Variants in NRK observed in about 807,000 individuals in gnomAD.
The protein encoded by NRK is Nik related kinase.
NRK carries 67 observed loss-of-function variants against 125.2 expected under a neutral mutation model. The observed-to-expected ratio is 0.54, with a 90% confidence interval of 0.44 to 0.66. The LOEUF (loss-of-function observed/expected upper bound fraction) is 0.66. Among genes scored for constraint, NRK ranks in the 30% least tolerant of loss-of-function variants. NRK has a pLI of 0.00. For missense variants in NRK, 1,224 were observed against 1,192.9 expected (o/e 1.03, Z -0.38); for synonymous variants, 458 against 429.0 (o/e 1.07, Z -0.84).
intron 11 of NRK, 96 bp from the exon 12 acceptor site, chrX:105,908,144 A>G (rs2040243077): frequency 1.4e-5 from 7 of 494,828 alleles, no homozygotes; most frequent in Non-Finnish European, 2.3e-5. Flanking sequence ...AATTCACTCC[A>G]CATCCTAAGA....
intron 8 of NRK, among the ~76,000 whole-genome samples, chrX:105,899,843 C>CTA (rs1479481303): frequency 1.8e-5 from 2 of 110,400 alleles, no homozygotes; most frequent in Non-Finnish European, 3.8e-5. Context: ...TGGCAGGCAC[C>CTA]TATAATCCTA....
intron 1 of NRK, among the ~76,000 whole-genome samples, chrX:105,823,458 G>T (rs2039050725): frequency 9.0e-6 from 1 of 111,306 alleles, no homozygotes; most frequent in Non-Finnish European, 1.9e-5. Flanking sequence ...ATTCTTGCCA[G>T]GGCAATGTTC....
At chrX:105,876,201 G>T (rs1406561913) in intron 2 of NRK, among the ~76,000 whole-genome samples, 2 of 106,238 alleles carry the variant, frequency 1.9e-5, no homozygotes. Context: ...GAGATCTGTT[G>T]CACATCATGG....
intron 2 of NRK, among the ~76,000 whole-genome samples, chrX:105,840,213 G>A (rs1180187559): frequency 9.0e-6 from 1 of 111,670 alleles, no homozygotes; most frequent in Non-Finnish European, 1.9e-5. Flanking sequence ...GGAGGATGAA[G>A]CAGTTGGTAG....
intron 5 of NRK, among the ~76,000 whole-genome samples, chrX:105,891,981 A>G (rs910303572): frequency 9.0e-6 from 1 of 111,642 alleles, no homozygotes; most frequent in African/African-American, 3.3e-5. Flanking sequence ...TCTTGATAGT[A>G]TAGCAAAGTG....
intron 4 of NRK, among the ~76,000 whole-genome samples, chrX:105,886,353 T>C (rs1466259234): frequency 9.4e-6 from 1 of 106,276 alleles, no homozygotes; most frequent in Non-Finnish European, 1.9e-5. Flanking sequence ...CACACACACA[T>C]ATATAAATGC....
intron 2 of NRK, among the ~76,000 whole-genome samples, chrX:105,849,704 C>T (rs1569291615): frequency 1.8e-5 from 2 of 111,935 alleles, no homozygotes; most frequent in East Asian, 2.8e-4. Flanking sequence ...CAAAATCCAG[C>T]GGGCCAGTCA....
intron 2 of NRK, among the ~76,000 whole-genome samples, chrX:105,831,666 A>G (rs940977650): frequency 8.9e-6 from 1 of 111,889 alleles, no homozygotes; most frequent in Non-Finnish European, 1.9e-5. Flanking sequence ...CAAAGCAGAT[A>G]AAGTCCCTTC....
chrX:105,828,879 C>T (rs1321553208), intron 1 of NRK, among the ~76,000 whole-genome samples: 5 of 111,596 alleles, frequency 4.5e-5, no homozygotes, highest in Non-Finnish European at 9.4e-5. Flanking sequence ...ATTACATGTT[C>T]GTTGGGAGTA....
chrX:105,944,181 T>C lies in NRK; in HGVS notation c.4059+140T>C, dbSNP rs927591008. On this transcript the variant is annotated intron_variant, in intron 24 of 28. Transcript: ENST00000243300. ...AATGAAATTTTGTTGTTAGTTTGCT[T>C]GCTTGTTTGTTTGTTTATTTTTTAG... 6 of 400,196 alleles carry C rather than the reference T, an allele frequency of 1.5e-5. No homozygotes were observed. The African/African-American group carries it at 1.6e-4, about 11-fold the overall frequency. 33.0% of individuals were successfully genotyped at this position (400,196 alleles called of 1,213,427 possible).
intron 14 of NRK, among the ~76,000 whole-genome samples, chrX:105,913,163 T>A (rs1484082101): frequency 8.9e-6 from 1 of 111,841 alleles, no homozygotes; most frequent in African/African-American, 3.2e-5. Flanking sequence ...GGTTGAAGTA[T>A]ACGAATAAAA....
At chrX:105,948,467 C>A (rs1224520549) in intron 26 of NRK, 1 of 327,307 alleles carries the variant, frequency 3.1e-6, no homozygotes, top group Non-Finnish European at 5.2e-6. Flanking sequence ...TACAAGGGAA[C>A]CATGTGTGCT....
intron 7 of NRK, among the ~76,000 whole-genome samples, chrX:105,898,240 C>G (rs1034023416): frequency 8.9e-6 from 1 of 111,933 alleles, no homozygotes; most frequent in Admixed American, 9.5e-5. Context: ...GCTTATAGTT[C>G]TGGTCTTCCT....
In NRK at chrX:105,895,434, G is replaced by C. The variant is rs1306350591; in HGVS notation, c.491G>C (p.Gly164Ala). 8.4e-7 allele frequency: 1 copy of C among 1,185,274 alleles called. No individual in the cohort carries two copies. Among genetic ancestry groups the C allele is most frequent in the Admixed American group, 2.2e-5 (1 of 45,859 alleles). The change falls in exon 7 of 29, where the codon GGC becomes GCC. Residue 164 changes from glycine to alanine, a missense_variant and splice_region_variant. By Grantham distance (60) the Gly-to-Ala change is moderately conservative. Transcript: ENST00000243300. ...IAYICREILQGLAHLHAHRVI... is the reference protein window; with the variant it reads ...IAYICREILQALAHLHAHRVI... ...TGGCTTTTTAAAAAATATATACAGG[G>C]CTTAGCTCACCTTCACGCACACCGA...
rs1569284663 is a variant in NRK at position 105,826,271 on chromosome X, AATATATATGAAATATATATTATCATAT to A, written c.57+3375_57+3401del. On this transcript the variant is annotated intron_variant, in intron 1 of 28. Transcript: ENST00000243300. ...ATATGATAATATATATTTCATATATAATATATATGAAATATATATTATCATATATATAATAGATAATATATATTTCAT... is the reference window on the plus strand; with the variant it reads ...ATATGATAATATATATTTCATATATAATATAATAGATAATATATATTTCAT... Among the ~76,000 whole-genome samples, 3 of 68,148 alleles carry A rather than the reference AATATATATGAAATATATATTATCATAT, an allele frequency of 4.4e-5. No homozygotes were observed. The East Asian group carries it at 1.1e-3, about 25-fold the overall frequency. The allele number at this position is 68,148 out of a possible 115,157, so 59.2% of individuals were successfully genotyped here.
At chrX:105,888,929 T>C (rs2039982446) in intron 5 of NRK, among the ~76,000 whole-genome samples, 1 of 111,357 alleles carries the variant, frequency 9.0e-6, no homozygotes, top group Non-Finnish European at 1.9e-5. Flanking sequence ...CCATATCATT[T>C]CATCACTGGC....
Position 105,906,488 on chromosome X carries a change from T to G in NRK, c.920T>G (p.Met307Arg). ...NFLFRPTSAN[M>R]LQHPFVRDIK... ...CTGTTTCGTCCTACTTCTGCAAACATGCTTCAACACCCATTTGTTCGGGAT... is the reference window on the plus strand; with the variant it reads ...CTGTTTCGTCCTACTTCTGCAAACAGGCTTCAACACCCATTTGTTCGGGAT... Residue 307 changes from methionine (M) to arginine (R), a missense_variant, in exon 11 of 29, where the codon ATG becomes AGG. Coordinates refer to ENST00000243300, the MANE Select transcript of NRK (RefSeq NM_198465.4). 3 of 1,161,945 alleles carry G rather than the reference T, an allele frequency of 2.6e-6. No homozygotes were observed.
chrX:105,946,677 G>C (rs2040817392), intron 26 of NRK, among the ~76,000 whole-genome samples: 1 of 112,015 alleles, frequency 8.9e-6, no homozygotes, highest in Non-Finnish European at 1.9e-5. Context: ...ATATTCTGCA[G>C]ATAGATTTTG....
intron 27 of NRK, among the ~76,000 whole-genome samples, chrX:105,951,717 C>T (rs1468048774): frequency 1.8e-5 from 2 of 112,271 alleles, no homozygotes; most frequent in Middle Eastern, 4.6e-3. Flanking sequence ...AGTGTTCCCA[C>T]TTCCAAATCA....
Sources: gnomAD v4.1 joint callset for allele counts (sites outside exome capture counted in the v4.1 genomes callset) on GRCh38, gnomAD v4.1.1 for gene constraint, MANE v1.5 for transcripts, NCBI Gene and HGNC (gene_info 2026-07-23, HGNC 2026-07-21) for gene names.